AGRP: variants seen among roughly 807,000 people sequenced by gnomAD.
The protein encoded by AGRP is agouti related neuropeptide.
AGRP carries 8 observed loss-of-function variants against 13.6 expected under a neutral mutation model. The observed-to-expected ratio is 0.59, with a 90% CI of 0.35 to 1.06. AGRP has a LOEUF of 1.06. Ranked by LOEUF, AGRP falls within the 50% of genes least tolerant of loss-of-function variation. The pLI, the probability that AGRP is intolerant of heterozygous loss-of-function variation, is 0.02. For synonymous variants in AGRP, 63 were observed against 72.4 expected (o/e 0.87, Z 0.66); for missense variants, 155 against 174.8 (o/e 0.89, Z 0.64).
Position 67,482,782 on chromosome 16 carries a change from G to A in AGRP, c.253C>T (p.Arg85Cys), listed in dbSNP as rs765334298. Reference sequence around the variant, plus strand: ...GACTCATGCAGCCTTACGCAGCGACGTGAGGAGCGGGGCTCGCGGTCCTGC... The same window carrying A: ...GACTCATGCAGCCTTACGCAGCGACATGAGGAGCGGGGCTCGCGGTCCTGC... ...DLQDREPRSS[R>C]RCVRLHESCL... Residue 85 changes from arginine to cysteine, a missense_variant, in exon 4 of 4, where the codon CGT becomes TGT. Coordinates refer to ENST00000290953, the MANE Select transcript of AGRP (RefSeq NM_001138.2). 1.5e-5 allele frequency: 25 copies of A among 1,614,166 alleles called. 3 individuals carry two copies. In the South Asian group the frequency reaches 2.1e-4, roughly 13 times the overall value.
Position 67,483,077 on chromosome 16 carries a change from G to A in AGRP, c.164C>T (p.Thr55Ile). Residue 55 changes from threonine (T) to isoleucine (I), a missense_variant, in exon 3 of 4, where the codon ACT becomes ATT. Coordinates refer to ENST00000290953, the MANE Select transcript of AGRP (RefSeq NM_001138.2). ...LGLRAPLKKT[T>I]AEQAEEDLLQ... is the part of the protein sequence containing the mutation. ...CAGATCCTCTTCTGCCTGTTCTGCAGTTGTCTTCTTCAGTGGGGCCCGCAG... is the reference window on the plus strand; with the variant it reads ...CAGATCCTCTTCTGCCTGTTCTGCAATTGTCTTCTTCAGTGGGGCCCGCAG... 1.2e-6 allele frequency: 2 copies of A among 1,614,204 alleles called. No individual in the cohort carries two copies. Among genetic ancestry groups the A allele is most frequent in the South Asian group, 2.2e-5 (2 of 91,090 alleles).
intron 1 of AGRP, 45 bp from the exon 2 acceptor site, chr16:67,483,446 G>A (rs767172289): frequency 1.4e-6 from 2 of 1,466,534 alleles, no homozygotes; most frequent in African/African-American, 1.4e-5. Context: ...CCTTATCCTT[G>A]GAGTCCCCTC....
In AGRP at chr16:67,483,500, C is replaced by G. The variant is rs2041532640; in HGVS notation, c.-4+17G>C. On this transcript the variant is annotated intron_variant, in intron 1 of 3. Transcript: ENST00000290953. ...CCCCACAGAGAGGAGGAGTCCCTGC[C>G]CAACCTGAGGACTCACCTCTGCCTC... The G allele has an allele frequency of 3.8e-6, 5 of 1,325,248 alleles. No homozygotes were observed. The South Asian group carries it at 9.8e-5, about 26-fold the overall frequency. The allele number at this position is 1,325,248 out of a possible 1,614,324, so 82.1% of individuals were successfully genotyped here. A position where few individuals can be genotyped will look rare whatever the true frequency, so the allele number is the denominator to read the frequency against.
Position 67,483,051 on chromosome 16 carries a change from A to G in AGRP, c.190T>C (p.Leu64=), listed in dbSNP as rs542588935. The G allele has an allele frequency of 6.2e-7, 1 of 1,614,196 alleles. No homozygotes were observed. Among genetic ancestry groups the G allele is most frequent in the African/African-American group, 1.3e-5 (1 of 75,054 alleles). The change falls in exon 3 of 4, where the codon TTG becomes CTG. Residue 64 remains leucine, a synonymous_variant. Transcript: ENST00000290953. ...TTAEQAEEDL[L]QEAQALAEVL... is the part of the protein sequence containing the mutation. ...TCTGCCAAGGCCTGAGCCTCCTGCA[A>G]CAGATCCTCTTCTGCCTGTTCTGCA... is the stretch of plus-strand genomic sequence containing the variant.
chr16:67,483,141 C>T (rs36120466), intron 2 of AGRP, 31 bp from the exon 3 acceptor site: 1 of 1,612,614 alleles, frequency 6.2e-7, no homozygotes, highest in Non-Finnish European at 8.5e-7. Flanking sequence ...GCAGGAACCC[C>T]CATGCACAAA....
rs34123523 is a variant in AGRP at position 67,483,276 on chromosome 16, C to G, written c.123G>C (p.Glu41Asp). The change falls in exon 2 of 4, where the codon GAG becomes GAC. Residue 41 changes from glutamate (E) to aspartate (D), a missense_variant. Transcript: ENST00000290953. ...ACCCTTGCTCACACTGACCTGGGAG[C>G]TCTGGGAGCAGGGCCTGGTCAGGCC... ...IRRPDQALLP[E>D]LPGLGLRAPL... 1 of 1,585,624 alleles carries G rather than the reference C, an allele frequency of 6.3e-7. No individual in the cohort carries two copies. The highest frequency in any genetic ancestry group is 1.8e-5 in the Admixed American group (1 of 56,242).
In AGRP at chr16:67,483,105, C is replaced by T; in HGVS notation, c.136G>A (p.Gly46Ser). 1 of 1,614,104 alleles carries T rather than the reference C, an allele frequency of 6.2e-7. No homozygotes were observed. The highest frequency in any genetic ancestry group is 8.5e-7 in the Non-Finnish European group (1 of 1,179,956). Residue 46 changes from glycine (G) to serine (S), a missense_variant, in exon 3 of 4, where the codon GGC (glycine) becomes AGC (serine). Coordinates refer to ENST00000290953, the MANE Select transcript of AGRP (RefSeq NM_001138.2). Reference protein sequence around the residue: ...QALLPELPGLGLRAPLKKTTA... With the variant: ...QALLPELPGLSLRAPLKKTTA... ...GTCTTCTTCAGTGGGGCCCGCAGGC[C>T]CAGGCCTGGGGCAGAGGATGTGAGG...
chr16:67,483,158 A>C (rs757616640), intron 2 of AGRP, 48 bp from the exon 3 acceptor site: 1 of 1,609,030 alleles, frequency 6.2e-7, no homozygotes, highest in Non-Finnish European at 8.5e-7. Flanking sequence ...CAAAGCACCC[A>C]CCTCCCAGGG....
Position 67,482,647 on chromosome 16 carries a change from T to C in AGRP, c.388A>G (p.Ser130Gly). 6.2e-7 allele frequency: 1 copy of C among 1,614,210 alleles called. No individual in the cohort carries two copies. Among genetic ancestry groups the C allele is most frequent in the Non-Finnish European group, 8.5e-7 (1 of 1,180,042 alleles). ...CTGACGTTGGCCAGCTAGGTGCGGC[T>C]GCAGGGATTCATGGCAGTACCCAGC... is the stretch of plus-strand genomic sequence containing the variant. ...RKLGTAMNPC[S>G]RT is the part of the protein sequence containing the mutation. Residue 130 changes from serine (S) to glycine (G), a missense_variant, in exon 4 of 4, where the codon AGC becomes GGC. Physicochemically the swap from Ser to Gly is moderately conservative, Grantham distance 56 (BLOSUM62 0). Transcript: ENST00000290953.
Position 67,483,268 on chromosome 16 carries a change from C to T in AGRP, c.130+1G>A, listed in dbSNP as rs1567546701. ...CCAGTCCCACCCTTGCTCACACTGA[C>T]CTGGGAGCTCTGGGAGCAGGGCCTG... On this transcript the variant is annotated splice_donor_variant, in intron 2 of 3. Coordinates refer to ENST00000290953, the MANE Select transcript of AGRP (RefSeq NM_001138.2). LOFTEE classifies it high-confidence loss of function. 2.5e-6 allele frequency: 4 copies of T among 1,580,042 alleles called. No individual in the cohort carries two copies. The highest frequency in any genetic ancestry group is 2.3e-5 in the South Asian group (2 of 86,772).
In AGRP at chr16:67,483,344, G is replaced by C. The variant is rs756623498; in HGVS notation, c.55C>G (p.Arg19Gly). Residue 19 changes from arginine (R) to glycine (G), a missense_variant, in exon 2 of 4, where the codon CGA becomes GGA. Transcript: ENST00000290953. ...GGGGCCAAGCCCATCTGGGCTCCTC[G>C]CGTGGCAGGCAGTGCCAGCAGCAGG... is the stretch of plus-strand genomic sequence containing the variant. ...CALLLALPAT[R>G]GAQMGLAPME... The C allele has an allele frequency of 6.4e-7, 1 of 1,555,572 alleles. No homozygotes were observed. The highest frequency in any genetic ancestry group is 8.7e-7 in the Non-Finnish European group (1 of 1,153,646).
rs145840661 is a variant in AGRP, at chr16:67,482,771, T to C, written c.264A>G (p.Val88=). The change falls in exon 4 of 4, where the codon GTA becomes GTG. Residue 88 remains valine (V), a synonymous_variant. Coordinates refer to ENST00000290953, the MANE Select transcript of AGRP (RefSeq NM_001138.2). ...GTCCCAGGCAGGACTCATGCAGCCT[T>C]ACGCAGCGACGTGAGGAGCGGGGCT... ...DREPRSSRRC[V]RLHESCLGQQ... is the part of the protein sequence containing the mutation. The C allele has an allele frequency of 3.7e-5, 60 of 1,614,158 alleles. No individual in the cohort carries two copies. In the African/African-American group the frequency reaches 7.5e-4, roughly 20 times the overall value.
rs2041518810 is a variant in AGRP at position 67,482,950 on chromosome 16, G to A, written c.216+75C>T. On this transcript the variant is annotated intron_variant, in intron 3 of 3. Transcript: ENST00000290953. ...GTGTCGTCGCTGGTGAGGGAGTTTG[G>A]AGCTGGGGAGAGGAGCTAATACCCA... 3 of 1,570,580 alleles carry A rather than the reference G, an allele frequency of 1.9e-6. No individual in the cohort carries two copies. The East Asian group carries it at 6.7e-5, about 35-fold the overall frequency.
At chr16:67,482,926 T>C in intron 3 of AGRP, 99 bp downstream of exon 3, 2 of 1,565,456 alleles carry the variant, frequency 1.3e-6, no homozygotes, top group East Asian at 2.2e-5. Context: ...TGGTCGGTAG[T>C]GTCGTCGCTG....
In AGRP at chr16:67,483,042, C is replaced by T. The variant is rs5030980; in HGVS notation, c.199G>A (p.Ala67Thr). ...GCAGTTACCTCTGCCAAGGCCTGAG[C>T]CTCCTGCAACAGATCCTCTTCTGCC... is the stretch of plus-strand genomic sequence containing the variant. ...EQAEEDLLQE[A>T]QALAEVLDLQ... Residue 67 changes from alanine (A) to threonine (T), a missense_variant, in exon 3 of 4, where the codon GCT becomes ACT. Physicochemically the swap from Ala to Thr is moderately conservative, Grantham distance 58 (BLOSUM62 0). Transcript: ENST00000290953. 0.037 allele frequency: 60,092 copies of T among 1,614,120 alleles called. 1,313 individuals are homozygous for T. Among genetic ancestry groups the T allele is most frequent in the Middle Eastern group, 0.097 (586 of 6,060 alleles).
chr16:67,483,430 G>A, intron 1 of AGRP, 29 bp from the exon 2 acceptor site: 2 of 1,494,108 alleles, frequency 1.3e-6, no homozygotes, highest in Admixed American at 2.3e-5. Flanking sequence ...GTACCACTTA[G>A]TCCCTCCTTA....
rs956734327 is a variant in AGRP, at chr16:67,482,762, A to T, written c.273T>A (p.His91Gln). Residue 91 changes from histidine (H) to glutamine (Q), a missense_variant, in exon 4 of 4, where the codon CAT becomes CAA. By Grantham distance (24) the His-to-Gln change is conservative (BLOSUM62 0). Transcript: ENST00000290953. ...PRSSRRCVRL[H>Q]ESCLGQQVPC... ...GCACCTGCTGTCCCAGGCAGGACTC[A>T]TGCAGCCTTACGCAGCGACGTGAGG... The T allele has an allele frequency of 1.2e-6, 2 of 1,614,188 alleles. No homozygotes were observed. The highest frequency in any genetic ancestry group is 3.3e-5 in the Admixed American group (2 of 60,022).
chr16:67,482,748 C>T lies in AGRP; in HGVS notation c.287G>A (p.Gly96Glu). 1 of 1,614,172 alleles carries T rather than the reference C, an allele frequency of 6.2e-7. No homozygotes were observed. Among genetic ancestry groups the T allele is most frequent in the South Asian group, 1.1e-5 (1 of 91,086 alleles). Residue 96 changes from glycine to glutamate, a missense_variant, in exon 4 of 4, where the codon GGA (glycine) becomes GAA (glutamate). Transcript: ENST00000290953. ...TGGGTCACAGCAAGGCACCTGCTGT[C>T]CCAGGCAGGACTCATGCAGCCTTAC... is the stretch of plus-strand genomic sequence containing the variant. ...RCVRLHESCL[G>E]QQVPCCDPCA...
rs775017482 is a variant in AGRP, at chr16:67,483,288, G to A, written c.111C>T (p.Ala37=). ...ACTGACCTGGGAGCTCTGGGAGCAG[G>A]GCCTGGTCAGGCCTTCTGATGCCCT... ...PMEGIRRPDQ[A]LLPELPGLGL... Residue 37 remains alanine (A), a synonymous_variant, in exon 2 of 4, where the codon GCC becomes GCT. Coordinates refer to ENST00000290953, the MANE Select transcript of AGRP (RefSeq NM_001138.2). The A allele has an allele frequency of 1.9e-6, 3 of 1,586,900 alleles. No individual in the cohort carries two copies. In the Admixed American group the frequency reaches 5.3e-5, roughly 28 times the overall value.
Sources: allele counts gnomAD v4.1 joint callset, GRCh38; gene constraint gnomAD v4.1.1; transcripts MANE v1.5; gene names NCBI Gene and HGNC (gene_info 2026-07-23, HGNC 2026-07-21).